Variants in DHX38 observed in about 807,000 individuals in gnomAD.
DHX38 encodes DEAH-box helicase 38.
Under a neutral mutation model 153.1 loss-of-function variants are expected in DHX38, and 100 were observed. The observed-to-expected ratio is 0.65, with a 90% CI of 0.56 to 0.77. DHX38 has a LOEUF of 0.77. Among genes scored for constraint, DHX38 ranks in the 30% least tolerant of loss-of-function variants. DHX38 has a pLI of 0.00. For missense variants in DHX38, 1,440 were observed against 1,654.0 expected, an observed-to-expected ratio of 0.87 and a Z score of 2.24; for synonymous variants, 650 against 631.7, an observed-to-expected ratio of 1.03 and a Z score of -0.43.
chr16:72,112,327 G>A (rs2042267221), intron 26 of DHX38, 86 bp from the exon 27 acceptor site: 1 of 1,364,110 alleles, frequency 7.3e-7, no homozygotes, highest in South Asian at 1.2e-5. Context: ...GTTAGGAACA[G>A]TAAGTCCTGG....
chr16:72,101,699 T>C, intron 11 of DHX38, 87 bp downstream of exon 11: 1 of 1,092,880 alleles, frequency 9.2e-7, no homozygotes. Flanking sequence ...ATCGACTTTG[T>C]GGCTCCTGAG....
rs753124471 is a variant in DHX38 at position 72,112,681 on chromosome 16, G to A, written c.*184G>A. On this transcript the variant is annotated 3_prime_UTR_variant, in exon 27 of 27. Coordinates refer to ENST00000268482, the MANE Select transcript of DHX38 (RefSeq NM_014003.4). The stretch of plus-strand genomic sequence containing the variant: ...GAGGAGGTGGAGTTCTTCCATGCAG[G>A]AGCACGGCATGGCGGGAGCGGGGCT... The A allele has an allele frequency of 5.0e-5, 37 of 733,252 alleles. No homozygotes were observed. Among genetic ancestry groups the A allele is most frequent in the Non-Finnish European group, 5.6e-5 (23 of 412,798 alleles). The allele number at this position is 733,252 out of a possible 1,614,324, so 45.4% of individuals were successfully genotyped here. A position where few individuals can be genotyped will look rare whatever the true frequency, so the allele number is the denominator to read the frequency against.
rs1185822479 is a variant in DHX38 at position 72,104,978 on chromosome 16, C to A, written c.2152-49C>A. On this transcript the variant is annotated intron_variant, in intron 15 of 26. Coordinates refer to ENST00000268482, the MANE Select transcript of DHX38 (RefSeq NM_014003.4). This position sits in a 1 kb window ranked among gnomAD's most constrained non-coding sequence, Gnocchi z 4.5. ...CACTGGGCTCCCAGGAGATGCCCGG[C>A]CTGCGCTTCTAGTACCTCCCTCTGA... 6.4e-7 allele frequency: 1 copy of A among 1,569,154 alleles called. No homozygotes were observed. Among genetic ancestry groups the A allele is most frequent in the Non-Finnish European group, 8.7e-7 (1 of 1,148,316 alleles).
In DHX38 at chr16:72,097,792, T is replaced by A; in HGVS notation, c.616+11T>A. 6.2e-7 allele frequency: 1 copy of A among 1,610,330 alleles called. No homozygotes were observed. The highest frequency in any genetic ancestry group is 1.3e-5 in the African/African-American group (1 of 74,814). ...GACATCGACCTAAAGGTAGACTCACTGTTTTGGTGGCTTGTGAGGATTCAA... is the reference window on the plus strand; with the variant it reads ...GACATCGACCTAAAGGTAGACTCACAGTTTTGGTGGCTTGTGAGGATTCAA... On this transcript the variant is annotated intron_variant, in intron 4 of 26. Transcript: ENST00000268482.
Position 72,106,731 on chromosome 16 carries a change from G to A in DHX38, c.2601-609G>A, listed in dbSNP as rs368650104. ...CTCCCAAACTGTTGGCATTATAGGTGTGAGCCACTCTGCCTGGCTCTCTTC... is the reference window on the plus strand; with the variant it reads ...CTCCCAAACTGTTGGCATTATAGGTATGAGCCACTCTGCCTGGCTCTCTTC... On this transcript the variant is annotated intron_variant, in intron 19 of 26. Coordinates refer to ENST00000268482, the MANE Select transcript of DHX38 (RefSeq NM_014003.4). 2.1e-4 allele frequency among the ~76,000 whole-genome samples: 32 copies of A among 152,176 alleles called. 2 individuals are homozygous for A. The highest frequency in any genetic ancestry group is 1.2e-3 in the East Asian group (6 of 5,194).
chr16:72,111,247 T>C (rs554552100), intron 26 of DHX38, among the ~76,000 whole-genome samples, 170 bp downstream of exon 26: 1 of 152,326 alleles, frequency 6.6e-6, no homozygotes, highest in East Asian at 1.9e-4. Flanking sequence ...TGGGAGGAGT[T>C]CCTGACAGCT....
At chr16:72,097,055 A>G in intron 3 of DHX38, 46 bp downstream of exon 3, 3 of 1,544,414 alleles carry the variant, frequency 1.9e-6, no homozygotes, top group Non-Finnish European at 2.6e-6. Flanking sequence ...CATTCGAATA[A>G]ATGTGTCAGC....
In DHX38 at chr16:72,097,703, A is replaced by G. The variant is rs755218183; in HGVS notation, c.538A>G (p.Ser180Gly). ...RDERDRSRHSSRSERDGGSER... is the reference protein window; with the variant it reads ...RDERDRSRHSGRSERDGGSER... ...TGAGCGGGATAGAAGTAGGCACAGC[A>G]GCAGATCAGAGCGAGATGGAGGGTC... The change falls in exon 4 of 27, where the codon AGC becomes GGC. Residue 180 changes from serine to glycine, a missense_variant. Physicochemically the swap from Ser to Gly is moderately conservative, Grantham distance 56. Coordinates refer to ENST00000268482, the MANE Select transcript of DHX38 (RefSeq NM_014003.4). 6 of 1,614,178 alleles carry G rather than the reference A, an allele frequency of 3.7e-6. No individual in the cohort carries two copies. The highest frequency in any genetic ancestry group is 5.1e-6 in the Non-Finnish European group (6 of 1,180,012).
In DHX38 at chr16:72,104,383, G is replaced by A; in HGVS notation, c.2011-103G>A. ...TGGTAAGAATTGAATAGGCCCATTTGTCAGCTTTGGCTTGTGTTTCCTCGG... is the reference window on the plus strand; with the variant it reads ...TGGTAAGAATTGAATAGGCCCATTTATCAGCTTTGGCTTGTGTTTCCTCGG... On this transcript the variant is annotated intron_variant, in intron 14 of 26. Transcript: ENST00000268482. The surrounding 1 kb of genome is among the most constrained non-coding windows in gnomAD (Gnocchi z 4.5). The A allele has an allele frequency of 6.7e-7, 1 of 1,490,536 alleles. No individual in the cohort carries two copies. Among genetic ancestry groups the A allele is most frequent in the South Asian group, 1.2e-5 (1 of 80,668 alleles). 92.3% of individuals were successfully genotyped at this position (1,490,536 alleles called of 1,614,324 possible).
intron 7 of DHX38, among the ~76,000 whole-genome samples, 166 bp downstream of exon 7, chr16:72,099,446 C>G (rs2042067929): frequency 6.6e-6 from 1 of 152,178 alleles, no homozygotes; most frequent in South Asian, 2.1e-4. Context: ...AACCCTGTCA[C>G]TCACTGCAGT....
intron 26 of DHX38, chr16:72,112,180 G>T: frequency 1.7e-6 from 1 of 578,182 alleles, no homozygotes; most frequent in Non-Finnish European, 3.1e-6. Context: ...ACTGTGGGAG[G>T]AGTTGTTAAA....
chr16:72,104,745 C>CATGAA lies in DHX38; in HGVS notation c.2151+122_2151+123insAAATG. On this transcript the variant is annotated intron_variant, in intron 15 of 26. Coordinates refer to ENST00000268482, the MANE Select transcript of DHX38 (RefSeq NM_014003.4). This position sits in a 1 kb window ranked among gnomAD's most constrained non-coding sequence, Gnocchi z 4.5. ...GGGTTGGAGAAGATTTCCTGGGGAC[C>CATGAA]ATGGGGCAAATGGGGCAGCCTGCAG... 1 of 1,449,330 alleles carries CATGAA rather than the reference C, an allele frequency of 6.9e-7. No individual in the cohort carries two copies. Among genetic ancestry groups the CATGAA allele is most frequent in the South Asian group, 1.3e-5 (1 of 79,820 alleles). The allele number at this position is 1,449,330 out of a possible 1,614,324, so 89.8% of individuals were successfully genotyped here. A position where few individuals can be genotyped will look rare whatever the true frequency, so the allele number is the denominator to read the frequency against.
Position 72,107,544 on chromosome 16 carries a change from C to T in DHX38, c.2805C>T (p.Asn935=). The T allele has an allele frequency of 2.5e-6, 4 of 1,612,066 alleles. No individual in the cohort carries two copies. Among genetic ancestry groups the T allele is most frequent in the East Asian group, 2.2e-5 (1 of 44,816 alleles). Residue 935 remains asparagine (N), a synonymous_variant, in exon 20 of 27, where the codon AAC becomes AAT. Transcript: ENST00000268482. The surrounding 1 kb of genome is among the most constrained non-coding windows in gnomAD (Gnocchi z 5.3). ...YQLWILGALD[N]TGGLTSTGRL... ...TCTGGATCCTCGGGGCCCTGGACAACACAGGTGAGGCGGCCCCGGGAGCCT... is the reference window on the plus strand; with the variant it reads ...TCTGGATCCTCGGGGCCCTGGACAATACAGGTGAGGCGGCCCCGGGAGCCT...
Position 72,106,084 on chromosome 16 carries a change from G to A in DHX38, c.2567G>A (p.Arg856Gln), listed in dbSNP as rs1397615764. 6.2e-7 allele frequency: 1 copy of A among 1,614,234 alleles called. No individual in the cohort carries two copies. Among genetic ancestry groups the A allele is most frequent in the Non-Finnish European group, 8.5e-7 (1 of 1,180,044 alleles). The change falls in exon 19 of 27, where the codon CGA becomes CAA. Residue 856 changes from arginine to glutamine, a missense_variant. Arg to Gln is a conservative substitution (Grantham distance 43). This residue lies in a region of DHX38 where 543 missense variants were observed against 717.9 expected (regional missense o/e 0.76). Transcript: ENST00000268482. ...SQANANQRSG[R>Q]AGRTGPGQCF... ...GCCAATGCCAACCAGCGGTCAGGGC[G>A]AGCCGGCAGGACGGGCCCAGGTCAG...
chr16:72,100,030 G>A (rs2042079389), intron 8 of DHX38, 143 bp downstream of exon 8: 1 of 1,158,226 alleles, frequency 8.6e-7, no homozygotes, highest in Admixed American at 2.3e-5. Context: ...TGGAAGAGGA[G>A]TGGGTGATGA....
intron 21 of DHX38, 111 bp from the exon 22 acceptor site, chr16:72,108,116 C>T (rs918248954): frequency 1.6e-6 from 2 of 1,265,228 alleles, no homozygotes; most frequent in Non-Finnish European, 2.2e-6. Flanking sequence ...AACCTATTGA[C>T]ATGTTTGAAG....
chr16:72,106,050 A>G lies in DHX38; in HGVS notation c.2533A>G (p.Ile845Val). Residue 845 changes from isoleucine to valine, a missense_variant, in exon 19 of 27, where the codon ATT becomes GTT. Physicochemically the swap from Ile to Val is conservative, Grantham distance 29. Coordinates refer to ENST00000268482, the MANE Select transcript of DHX38 (RefSeq NM_014003.4). The part of the protein sequence containing the change: ...IGMDALQIYP[I>V]SQANANQRSG... ...CATGGATGCTCTGCAGATCTATCCCATTAGCCAGGCCAATGCCAACCAGCG... is the reference window on the plus strand; with the variant it reads ...CATGGATGCTCTGCAGATCTATCCCGTTAGCCAGGCCAATGCCAACCAGCG... The G allele has an allele frequency of 6.2e-7, 1 of 1,614,214 alleles. No homozygotes were observed. Among genetic ancestry groups the G allele is most frequent in the Non-Finnish European group, 8.5e-7 (1 of 1,180,040 alleles).
chr16:72,106,407 G>A (rs2042177387), intron 19 of DHX38, among the ~76,000 whole-genome samples: 1 of 145,522 alleles, frequency 6.9e-6, no homozygotes, highest in African/African-American at 2.5e-5. Flanking sequence ...TGATGCCATT[G>A]GTTCTTTTTA....
rs1189088291 is a variant in DHX38, at chr16:72,108,559, C to G, written c.3207C>G (p.Val1069=). The G allele has an allele frequency of 6.2e-7, 1 of 1,614,038 alleles. No homozygotes were observed. Among genetic ancestry groups the G allele is most frequent in the Non-Finnish European group, 8.5e-7 (1 of 1,180,040 alleles). Residue 1069 remains valine, a synonymous_variant, in exon 23 of 27, where the codon GTC becomes GTG. Transcript: ENST00000268482. ...CGTGTGGCACTGACTGGGACATCGT[C>G]AGGAAGTGCATCTGTGCTGCCTATT... The part of the protein sequence containing the change: ...LASCGTDWDI[V]RKCICAAYFH...
Sources: allele counts gnomAD v4.1 joint callset (sites outside exome capture counted in the v4.1 genomes callset), GRCh38; gene constraint gnomAD v4.1.1; regional missense constraint gnomAD v4.1.1; non-coding constraint Gnocchi (gnomAD v3.1); transcripts MANE v1.5; gene names NCBI Gene and HGNC (gene_info 2026-07-23, HGNC 2026-07-21).